DUSP13B: variants seen among roughly 807,000 people sequenced by gnomAD.
The protein encoded by DUSP13B is dual specificity phosphatase 13B.
chr10:75,095,938 G>A, the DUSP13B span: 1 of 733,728 alleles, frequency 1.4e-6, no homozygotes, highest in South Asian at 1.8e-5. Context: ...CAGGGTGAAG[G>A]GGCTCCTCCT....
the DUSP13B span, among the ~76,000 whole-genome samples, chr10:75,096,220 A>C: frequency 1.3e-5 from 2 of 152,054 alleles, no homozygotes; most frequent in African/African-American, 4.8e-5. Context: ...ATGCCACTGC[A>C]CTCTAGCCTG....
the DUSP13B span, among the ~76,000 whole-genome samples, chr10:75,103,372 T>C: frequency 8.4e-4 from 127 of 152,020 alleles, no homozygotes; most frequent in African/African-American, 3.0e-3. Flanking sequence ...GAGCAGGTCT[T>C]CAGACAGCCC....
At chr10:75,098,557 T>C in the DUSP13B span, among the ~76,000 whole-genome samples, 1 of 151,634 alleles carries the variant, frequency 6.6e-6, no homozygotes, top group Non-Finnish European at 1.5e-5. Flanking sequence ...AGGTCAGGAG[T>C]TCGAGACCAG....
At chr10:75,108,360 C>G in the DUSP13B span, 1 of 1,368,008 alleles carries the variant, frequency 7.3e-7, no homozygotes, top group Non-Finnish European at 9.6e-7. Context: ...GACTCCACAG[C>G]CCTATACCCA....
chr10:75,101,760 A>C, the DUSP13B span: 4 of 713,334 alleles, frequency 5.6e-6, no homozygotes, highest in Admixed American at 2.1e-5. Context: ...TCTCTACCCA[A>C]CCCAAACCCC....
At chr10:75,107,575 G>A in the DUSP13B span, among the ~76,000 whole-genome samples, 1 of 152,082 alleles carries the variant, frequency 6.6e-6, no homozygotes, top group African/African-American at 2.4e-5. Flanking sequence ...ACTAAGCAGA[G>A]GACTTTTTTT....
chr10:75,096,592 A>C, the DUSP13B span, among the ~76,000 whole-genome samples: 4 of 151,420 alleles, frequency 2.6e-5, no homozygotes. Context: ...AAAAAAAAAA[A>C]AGAAAAATTA....
At chr10:75,097,430 G>A in the DUSP13B span, among the ~76,000 whole-genome samples, 9 of 152,142 alleles carry the variant, frequency 5.9e-5, no homozygotes, top group South Asian at 2.1e-4. Flanking sequence ...GGCTGGTCTC[G>A]AACTTCTGAC....
chr10:75,094,972 C>T, the DUSP13B span: 1 of 1,092,884 alleles, frequency 9.2e-7, no homozygotes, highest in Non-Finnish European at 1.3e-6. Context: ...TCTACAGTAT[C>T]CTGGAATACT....
At chr10:75,100,041 A>C in the DUSP13B span, among the ~76,000 whole-genome samples, 1 of 152,084 alleles carries the variant, frequency 6.6e-6, no homozygotes, top group Non-Finnish European at 1.5e-5. Flanking sequence ...GCACCACCCC[A>C]GGCAGGAGAT....
chr10:75,097,563 A>G, the DUSP13B span: 3 of 710,324 alleles, frequency 4.2e-6, no homozygotes, highest in Non-Finnish European at 6.2e-6. Context: ...CAGTAATAAT[A>G]TAAAAGGAAA....
At chr10:75,108,685 G>A in the DUSP13B span, among the ~76,000 whole-genome samples, 41 of 152,212 alleles carry the variant, frequency 2.7e-4, no homozygotes, top group African/African-American at 9.9e-4. Context: ...GAAACAGGGG[G>A]CTCTCTGTCT....
chr10:75,097,682 A>T, the DUSP13B span: 6 of 1,517,350 alleles, frequency 4.0e-6, no homozygotes, highest in Admixed American at 1.9e-5. Flanking sequence ...CCCTTCCGCC[A>T]TCCCCACTCC....
chr10:75,108,189 A>C, the DUSP13B span: 4 of 1,607,748 alleles, frequency 2.5e-6, no homozygotes, highest in South Asian at 2.2e-5. Context: ...CCACAGCTCA[A>C]AGCGGTTGTT....
the DUSP13B span, among the ~76,000 whole-genome samples, chr10:75,095,971 C>T: frequency 1.7e-4 from 26 of 152,254 alleles, no homozygotes; most frequent in Middle Eastern, 6.8e-3. Flanking sequence ...GACTCCTTTT[C>T]GGGCTGGGTG....
chr10:75,094,506 G>A, the DUSP13B span: 17 of 650,144 alleles, frequency 2.6e-5, no homozygotes, highest in Non-Finnish European at 4.4e-5. Context: ...TCTGAATTGG[G>A]TCAGGGAAAT....
the DUSP13B span, among the ~76,000 whole-genome samples, chr10:75,100,166 G>A: frequency 2.0e-5 from 3 of 152,268 alleles, no homozygotes; most frequent in Non-Finnish European, 4.4e-5. Flanking sequence ...CCAGGGAGCA[G>A]GCAGCCAGGC....
At chr10:75,103,994 A>T in the DUSP13B span, 1 of 1,354,116 alleles carries the variant, frequency 7.4e-7, no homozygotes, top group Non-Finnish European at 9.8e-7. Flanking sequence ...GGCTTCCACC[A>T]TCTTCTGTGT....
the DUSP13B span, chr10:75,104,053 G>C: frequency 7.3e-7 from 1 of 1,362,474 alleles, no homozygotes; most frequent in South Asian, 1.2e-5. Flanking sequence ...TCAGTGCCAG[G>C]GTGGCAAAGT....
Sources: allele counts gnomAD v4.1 joint callset (sites outside exome capture counted in the v4.1 genomes callset), GRCh38; gene constraint gnomAD v4.1.1; transcripts MANE v1.5; gene names NCBI Gene and HGNC (gene_info 2026-07-23, HGNC 2026-07-21).